Variants in QTMAN observed in about 807,000 individuals in gnomAD.
The protein encoded by QTMAN is tRNA-queuosine alpha-mannosyltransferase.
At chr2:144,115,161 G>A in the QTMAN span, among the ~76,000 whole-genome samples, 1 of 151,548 alleles carries the variant, frequency 6.6e-6, no homozygotes, top group African/African-American at 2.4e-5. Context: ...AACCCAGGAG[G>A]CGGAGGTTGC....
chr2:144,018,776 G>T, the QTMAN span, among the ~76,000 whole-genome samples: 1 of 152,188 alleles, frequency 6.6e-6, no homozygotes, highest in Non-Finnish European at 1.5e-5. Flanking sequence ...AATTAGCTAA[G>T]ATGTCCTCAT....
the QTMAN span, among the ~76,000 whole-genome samples, chr2:144,283,798 A>T: frequency 5.9e-5 from 9 of 152,136 alleles, no homozygotes; most frequent in Non-Finnish European, 1.3e-4. Context: ...TAAAAATGAG[A>T]ACTACCATCC....
the QTMAN span, among the ~76,000 whole-genome samples, chr2:144,054,363 C>T: frequency 6.6e-6 from 1 of 152,088 alleles, no homozygotes; most frequent in Non-Finnish European, 1.5e-5. Flanking sequence ...TTCCCATAGA[C>T]CTCTGTAGCC....
chr2:144,019,009 T>C, the QTMAN span, among the ~76,000 whole-genome samples: 1 of 152,106 alleles, frequency 6.6e-6, no homozygotes, highest in African/African-American at 2.4e-5. Context: ...AGAGAGAATA[T>C]GGTCCAGAGA....
chr2:144,093,660 A>G, the QTMAN span, among the ~76,000 whole-genome samples: 1 of 152,246 alleles, frequency 6.6e-6, no homozygotes, highest in Non-Finnish European at 1.5e-5. Flanking sequence ...AACTACTGAC[A>G]TAAAAATAAG....
At chr2:144,068,259 A>G in the QTMAN span, among the ~76,000 whole-genome samples, 6 of 152,348 alleles carry the variant, frequency 3.9e-5, no homozygotes, top group East Asian at 1.2e-3. Flanking sequence ...TAATTTTGCA[A>G]TCAGCTAAAC....
chr2:144,268,395 G>A, the QTMAN span, among the ~76,000 whole-genome samples: 1 of 152,130 alleles, frequency 6.6e-6, no homozygotes, highest in Admixed American at 6.5e-5. Flanking sequence ...AATAGACTAA[G>A]GCAGGAGTAT....
chr2:144,323,552 G>A, the QTMAN span, among the ~76,000 whole-genome samples: 13 of 152,222 alleles, frequency 8.5e-5, no homozygotes, highest in South Asian at 6.2e-4. Flanking sequence ...AAAAGTTAGC[G>A]TTACTATGAT....
At chr2:144,032,925 A>G in the QTMAN span, among the ~76,000 whole-genome samples, 2 of 152,346 alleles carry the variant, frequency 1.3e-5, no homozygotes, top group East Asian at 3.9e-4. Context: ...GGGGAAAAAA[A>G]TAGGGACTAG....
At chr2:144,117,180 A>T in the QTMAN span, among the ~76,000 whole-genome samples, 1 of 152,140 alleles carries the variant, frequency 6.6e-6, no homozygotes, top group African/African-American at 2.4e-5. Flanking sequence ...CTCTCCAGCA[A>T]ATGTTCTTCA....
the QTMAN span, among the ~76,000 whole-genome samples, chr2:144,150,484 T>G: frequency 1.3e-5 from 2 of 152,044 alleles, no homozygotes; most frequent in Non-Finnish European, 2.9e-5. Flanking sequence ...GGAACTAACT[T>G]TTAAATTTAA....
the QTMAN span, among the ~76,000 whole-genome samples, chr2:144,281,002 C>T: frequency 1.3e-5 from 2 of 151,360 alleles, no homozygotes; most frequent in African/African-American, 2.4e-5. Flanking sequence ...TGATGTGCTG[C>T]ACCCATTAAC....
chr2:143,972,528 A>G, the QTMAN span, among the ~76,000 whole-genome samples: 1 of 152,112 alleles, frequency 6.6e-6, no homozygotes. Flanking sequence ...GTAGAGCTGT[A>G]GTTCTTAAAA....
At chr2:144,332,146 ACGAC>A in the QTMAN span, among the ~76,000 whole-genome samples, 1 of 149,752 alleles carries the variant, frequency 6.7e-6, no homozygotes, top group South Asian at 2.1e-4. Flanking sequence ...CAATTCGAAC[ACGAC>A]CAGTTTGCAG....
the QTMAN span, among the ~76,000 whole-genome samples, chr2:144,251,560 T>C: frequency 2.0e-5 from 3 of 152,142 alleles, no homozygotes; most frequent in Non-Finnish European, 4.4e-5. Context: ...CCTTACAATA[T>C]ACTTTACAGA....
the QTMAN span, among the ~76,000 whole-genome samples, chr2:143,993,812 G>A: frequency 6.6e-6 from 1 of 152,128 alleles, no homozygotes; most frequent in African/African-American, 2.4e-5. Flanking sequence ...AAGTGAAGAG[G>A]AATCAAACAA....
chr2:144,105,585 C>G, the QTMAN span, among the ~76,000 whole-genome samples: 1 of 152,050 alleles, frequency 6.6e-6, no homozygotes, highest in Non-Finnish European at 1.5e-5. Flanking sequence ...GCAAAGCCTC[C>G]AAGAAATATA....
chr2:143,981,587 C>CCT, the QTMAN span, among the ~76,000 whole-genome samples: 1 of 152,182 alleles, frequency 6.6e-6, no homozygotes, highest in African/African-American at 2.4e-5. Flanking sequence ...ATAAGAAATC[C>CCT]CTCCAACGTA....
chr2:144,227,924 T>C, the QTMAN span, among the ~76,000 whole-genome samples: 1 of 152,196 alleles, frequency 6.6e-6, no homozygotes, highest in African/African-American at 2.4e-5. Context: ...GAGGTGGTTA[T>C]ATGGGACATA....
Sources: gnomAD v4.1 joint callset for allele counts (sites outside exome capture counted in the v4.1 genomes callset) on GRCh38, gnomAD v4.1.1 for gene constraint, MANE v1.5 for transcripts, NCBI Gene and HGNC (gene_info 2026-07-23, HGNC 2026-07-21) for gene names.